The following VAV2 variants were observed in gnomAD, a reference collection of about 807,000 sequenced individuals.
The protein encoded by VAV2 is vav guanine nucleotide exchange factor 2, also known as guanine nucleotide exchange factor VAV2.
Under a neutral mutation model 132.5 loss-of-function variants are expected in VAV2, and 67 were observed. The ratio of observed to expected loss-of-function variants is 0.51; its 90% CI spans 0.42 to 0.62. The LOEUF is 0.62. VAV2 is among the 20% of genes least tolerant of loss of function. The pLI is 0.00. For missense variants in VAV2, 938 were observed against 1,153.6 expected (o/e 0.81, Z 2.71); for synonymous variants, 492 against 443.5 (o/e 1.11, Z -1.37).
intron 1 of VAV2, among the ~76,000 whole-genome samples, chr9:133,952,031 T>C: frequency 6.6e-6 from 1 of 152,076 alleles, no homozygotes; most frequent in East Asian, 1.9e-4. Context: ...AAGCAGTCCC[T>C]TTTGGTACTC....
At chr9:133,861,002 G>T (rs1420887419) in intron 3 of VAV2, among the ~76,000 whole-genome samples, 1 of 152,192 alleles carries the variant, frequency 6.6e-6, no homozygotes, top group African/African-American at 2.4e-5. Flanking sequence ...CCATGCTCCG[G>T]CGCCATCCCT....
chr9:133,849,381 A>C (rs1037319001), intron 3 of VAV2, among the ~76,000 whole-genome samples: 2 of 152,058 alleles, frequency 1.3e-5, no homozygotes, highest in African/African-American at 2.4e-5. Flanking sequence ...CTACGTTAAG[A>C]AGCACTGGTT....
chr9:133,788,680 C>G lies in VAV2; in HGVS notation c.1275-194G>C, dbSNP rs1048781443. Among the ~76,000 whole-genome samples the G allele has an allele frequency of 3.3e-5, 5 of 152,150 alleles. No individual in the cohort carries two copies. The South Asian group carries it at 6.2e-4, about 19-fold the overall frequency. ...GTTCCCACACTGCTTCTCCAGGAAG[C>G]CTTCCTTGGCTCCCTACCCCCGTGA... is the stretch of plus-strand genomic sequence containing the variant. On this transcript the variant is annotated intron_variant, in intron 14 of 29. Coordinates refer to ENST00000371850, the MANE Select transcript of VAV2 (RefSeq NM_001134398.2). This position sits in a 1 kb window ranked among gnomAD's most constrained non-coding sequence, Gnocchi z 5.3.
chr9:133,844,789 G>A (rs1276856133), intron 3 of VAV2, among the ~76,000 whole-genome samples: 3 of 152,208 alleles, frequency 2.0e-5, no homozygotes, highest in African/African-American at 7.2e-5. Flanking sequence ...ACGCAGACAC[G>A]ACAGGTCTGA....
At chr9:133,888,802 C>G (rs1331701605) in intron 2 of VAV2, among the ~76,000 whole-genome samples, 1 of 152,238 alleles carries the variant, frequency 6.6e-6, no homozygotes, top group Non-Finnish European at 1.5e-5. Flanking sequence ...CATTTAATTT[C>G]TAGGTCCAGG....
At chr9:133,836,253 G>A (rs1358112218) in intron 3 of VAV2, among the ~76,000 whole-genome samples, 1 of 152,212 alleles carries the variant, frequency 6.6e-6, no homozygotes, top group Non-Finnish European at 1.5e-5. Flanking sequence ...GAGCACGTGG[G>A]GGGCCAGGAG....
intron 4 of VAV2, among the ~76,000 whole-genome samples, chr9:133,814,196 C>T (rs976627875): frequency 6.6e-6 from 1 of 152,236 alleles, no homozygotes. Flanking sequence ...TAACCCATCT[C>T]AAAGGTCCAT....
At chr9:133,809,233 G>C (rs1835271309) in intron 6 of VAV2, 95 bp from the exon 7 acceptor site, 1 of 1,118,274 alleles carries the variant, frequency 8.9e-7, no homozygotes, top group African/African-American at 1.5e-5. Flanking sequence ...CTCCACAAAA[G>C]AGGACTCCTT....
At chr9:133,974,508 C>G (rs1842443401) in intron 1 of VAV2, among the ~76,000 whole-genome samples, 1 of 152,176 alleles carries the variant, frequency 6.6e-6, no homozygotes, top group Admixed American at 6.5e-5. Flanking sequence ...CACCTGCACC[C>G]TGTGTCAGGT....
rs1838653499 is a variant in VAV2, at chr9:133,885,180, C to T, written c.322-23748G>A. 1.3e-5 allele frequency among the ~76,000 whole-genome samples: 2 copies of T among 152,210 alleles called. No homozygotes were observed. The highest frequency in any genetic ancestry group is 4.8e-5 in the African/African-American group (2 of 41,446). On this transcript the variant is annotated intron_variant, in intron 2 of 29. Coordinates refer to ENST00000371850, the MANE Select transcript of VAV2 (RefSeq NM_001134398.2). The surrounding 1 kb of genome is among the most constrained non-coding windows in gnomAD (Gnocchi z 5.0). ...CCAGTGACTTCATTTGCTCCAGTGT[C>T]CTGCGATTGATTCTTCTGAACTTCT...
At chr9:133,914,601 C>T (rs1839992333) in intron 2 of VAV2, among the ~76,000 whole-genome samples, 1 of 107,074 alleles carries the variant, frequency 9.3e-6, no homozygotes, top group Admixed American at 1.1e-4. Flanking sequence ...GTGTGTATTC[C>T]TACCACCAGA....
At chr9:133,966,916 T>C (rs1842159097) in intron 1 of VAV2, among the ~76,000 whole-genome samples, 1 of 150,018 alleles carries the variant, frequency 6.7e-6, no homozygotes, top group South Asian at 2.1e-4. Flanking sequence ...GCGCCTGCAA[T>C]CCCAGCTACT....
intron 1 of VAV2, among the ~76,000 whole-genome samples, chr9:133,944,408 G>A (rs1356835994): frequency 2.0e-5 from 3 of 152,242 alleles, no homozygotes; most frequent in Non-Finnish European, 2.9e-5. Context: ...GAGTCACATA[G>A]CCAGCAGGCC....
chr9:133,903,409 G>A (rs1056951956), intron 2 of VAV2, among the ~76,000 whole-genome samples: 26 of 152,302 alleles, frequency 1.7e-4, no homozygotes, highest in African/African-American at 5.3e-4. Context: ...CTGTGAGGGC[G>A]TGCCAGGTCT....
chr9:133,775,974 C>A, intron 24 of VAV2, 54 bp downstream of exon 24: 1 of 1,565,256 alleles, frequency 6.4e-7, no homozygotes, highest in South Asian at 1.2e-5. Context: ...CGGGCATGCC[C>A]CCATAACAAA....
At chr9:133,772,687 A>G (rs1177432302) in intron 25 of VAV2, among the ~76,000 whole-genome samples, 3 of 152,186 alleles carry the variant, frequency 2.0e-5, no homozygotes, top group Non-Finnish European at 4.4e-5. Context: ...ATGACTATGG[A>G]TGCAGAAATC....
chr9:133,779,033 C>G, intron 21 of VAV2, 144 bp from the exon 22 acceptor site: 1 of 1,047,996 alleles, frequency 9.5e-7, no homozygotes, highest in Non-Finnish European at 1.4e-6. Context: ...TCCCTAAATC[C>G]TTCCCATAAG....
Position 133,935,903 on chromosome 9 carries a change from G to T in VAV2, c.321+3200C>A, listed in dbSNP as rs1399331681. 6.6e-6 allele frequency among the ~76,000 whole-genome samples: 1 copy of T among 152,200 alleles called. No individual in the cohort carries two copies. The highest frequency in any genetic ancestry group is 2.4e-5 in the African/African-American group (1 of 41,460). ...ACGGTCCCAGGGGGCCCGGTCCCCA[G>T]CCAGCTGTCCCTGACACACCACAGG... On this transcript the variant is annotated intron_variant, in intron 2 of 29. Coordinates refer to ENST00000371850, the MANE Select transcript of VAV2 (RefSeq NM_001134398.2). The surrounding 1 kb of genome is among the most constrained non-coding windows in gnomAD (Gnocchi z 5.2).
chr9:133,947,418 C>T (rs1841398971), intron 1 of VAV2, among the ~76,000 whole-genome samples: 1 of 152,254 alleles, frequency 6.6e-6, no homozygotes, highest in East Asian at 1.9e-4. Flanking sequence ...ACTGGTCTGT[C>T]GTTGGGCGCG....
Sources: gnomAD v4.1 joint callset for allele counts (sites outside exome capture counted in the v4.1 genomes callset) on GRCh38, gnomAD v4.1.1 for gene constraint, Gnocchi (gnomAD v3.1) non-coding constraint, MANE v1.5 for transcripts, NCBI Gene and HGNC (gene_info 2026-07-23, HGNC 2026-07-21) for gene names.